The following ETF1 variants were observed in gnomAD, a reference collection of about 807,000 sequenced individuals.
ETF1 encodes eukaryotic peptide chain release factor subunit 1.
A neutral mutation model predicts 55.1 loss-of-function variants in ETF1; 4 were observed. The observed-to-expected ratio is 0.07, with a 90% confidence interval of 0.04 to 0.17. ETF1 has a LOEUF of 0.17. Ranked by LOEUF, ETF1 falls within the 10% of genes least tolerant of loss-of-function variation. The pLI is 1.00. For missense variants in ETF1, 142 were observed against 523.6 expected, an observed-to-expected ratio of 0.27 and a Z score of 7.11; for synonymous variants, 157 against 182.3, an observed-to-expected ratio of 0.86 and a Z score of 1.12.
chr5:138,542,667 A>C (rs1480228673), intron 2 of ETF1, 166 bp downstream of exon 2: 1 of 1,439,336 alleles, frequency 6.9e-7, no homozygotes, highest in Non-Finnish European at 9.1e-7. Context: ...TCTCGGGCCA[A>C]CCGCGCCGAC....
At chr5:138,511,262 C>T in intron 7 of ETF1, 62 bp from the exon 8 acceptor site, 1 of 1,577,980 alleles carries the variant, frequency 6.3e-7, no homozygotes, top group African/African-American at 1.4e-5. Context: ...TACAAACACA[C>T]CTATTCGACC....
intron 1 of ETF1, 52 bp downstream of exon 1, chr5:138,543,045 T>C (rs1766254261): frequency 4.2e-6 from 4 of 945,106 alleles, no homozygotes; most frequent in Non-Finnish European, 6.4e-6. Context: ...TCTCCTCCCG[T>C]CCGGTGCAGC....
intron 6 of ETF1, 33 bp from the exon 7 acceptor site, chr5:138,511,637 C>T (rs975344152): frequency 2.6e-6 from 4 of 1,559,388 alleles, no homozygotes; most frequent in East Asian, 2.3e-5. Flanking sequence ...TTAGTACTTA[C>T]TGGTACTTAT....
intron 3 of ETF1, chr5:138,517,981 C>T (rs2127082265): frequency 1.6e-6 from 1 of 618,622 alleles, no homozygotes; most frequent in African/African-American, 2.0e-5. Context: ...GTAGGCGGAT[C>T]ACCTGACGTC....
chr5:138,515,267 A>G (rs968375641), intron 4 of ETF1, among the ~76,000 whole-genome samples: 2 of 152,216 alleles, frequency 1.3e-5, no homozygotes, highest in African/African-American at 4.8e-5. Context: ...TCTACTAAAA[A>G]TACAAAAATT....
chr5:138,518,662 G>C (rs1765118804), intron 3 of ETF1, 30 bp downstream of exon 3: 4 of 1,593,544 alleles, frequency 2.5e-6, no homozygotes, highest in Non-Finnish European at 3.4e-6. Context: ...AAAATGTGTA[G>C]AGAAGGAAAA....
intron 2 of ETF1, among the ~76,000 whole-genome samples, chr5:138,530,722 C>T (rs949563262): frequency 9.2e-5 from 14 of 152,022 alleles, no homozygotes; most frequent in Admixed American, 5.2e-4. Flanking sequence ...TACAGGCACG[C>T]GCCACAATGC....
intron 6 of ETF1, among the ~76,000 whole-genome samples, chr5:138,512,258 A>ATATATATATTTT (rs1484458741): frequency 1.0e-4 from 2 of 20,006 alleles, no homozygotes; most frequent in African/African-American, 3.8e-4. Context: ...ATATATATAT[A>ATATATATATTTT]TTTTTTTTTT....
At chr5:138,516,499 G>C (rs967334993) in intron 4 of ETF1, among the ~76,000 whole-genome samples, 3 of 152,136 alleles carry the variant, frequency 2.0e-5, no homozygotes, top group African/African-American at 7.2e-5. Context: ...AATTAGCCAG[G>C]CATGGTGGTG....
chr5:138,539,788 A>C (rs1766099081), intron 2 of ETF1, among the ~76,000 whole-genome samples: 1 of 152,228 alleles, frequency 6.6e-6, no homozygotes, highest in African/African-American at 2.4e-5. Context: ...CTCAGACTAC[A>C]TTTTAAGGAA....
intron 9 of ETF1, 63 bp downstream of exon 9, chr5:138,510,502 C>T (rs777285855): frequency 2.0e-4 from 258 of 1,287,350 alleles, no homozygotes; most frequent in South Asian, 3.8e-4. Context: ...TCTACACAGC[C>T]AGTACTCTAA....
chr5:138,539,045 A>T (rs898483769), intron 2 of ETF1, among the ~76,000 whole-genome samples: 8 of 152,264 alleles, frequency 5.3e-5, no homozygotes, highest in African/African-American at 1.9e-4. Flanking sequence ...CTACAGCAGA[A>T]GTTTGCAAGC....
chr5:138,529,183 A>C (rs943145011), intron 2 of ETF1, among the ~76,000 whole-genome samples: 14 of 152,206 alleles, frequency 9.2e-5, no homozygotes, highest in Non-Finnish European at 1.3e-4. Context: ...AACAAACAAA[A>C]AAAACAAGCA....
intron 9 of ETF1, chr5:138,509,243 A>G (rs1581011940): frequency 1.1e-6 from 1 of 897,562 alleles, no homozygotes. Flanking sequence ...ATTTAAACCT[A>G]TCTCATACGG....
In ETF1 at chr5:138,541,946, C is replaced by A. The variant is rs535036536; in HGVS notation, c.86+887G>T. Among the ~76,000 whole-genome samples the A allele has an allele frequency of 6.6e-5, 10 of 152,198 alleles. No homozygotes were observed. The South Asian group carries it at 2.1e-3, about 32-fold the overall frequency. On this transcript the variant is annotated intron_variant, in intron 2 of 10. Transcript: ENST00000360541. ...TAGCCTACTCTCCCCCCAATGGACA[C>A]ACCTACAGTTTCTTATCAAAATGTA...
chr5:138,507,989 A>AT lies in ETF1; in HGVS notation c.*315dup, dbSNP rs553554703. 68 of 259,760 alleles carry AT rather than the reference A, an allele frequency of 2.6e-4. No homozygotes were observed. The highest frequency in any genetic ancestry group is 2.5e-3 in the East Asian group (33 of 13,216). The allele number at this position is 259,760 out of a possible 1,614,324, so 16.1% of individuals were successfully genotyped here. ...TCTATGTATGAAGGTTAAAAAAATC[A>AT]TTTTTTTTCATAAAATACAAGAGCA... is the stretch of plus-strand genomic sequence containing the variant. On this transcript the variant is annotated 3_prime_UTR_variant, in exon 11 of 11. Coordinates refer to ENST00000360541, the MANE Select transcript of ETF1 (RefSeq NM_004730.4).
intron 9 of ETF1, among the ~76,000 whole-genome samples, chr5:138,509,608 T>C (rs1047922114): frequency 6.6e-6 from 1 of 151,746 alleles, no homozygotes; most frequent in East Asian, 1.9e-4. Context: ...TAAAAAAAAT[T>C]AGGCTGCCTG....
chr5:138,540,421 A>G (rs1459269166), intron 2 of ETF1, among the ~76,000 whole-genome samples: 1 of 152,214 alleles, frequency 6.6e-6, no homozygotes, highest in African/African-American at 2.4e-5. Flanking sequence ...TCTTCTAAAG[A>G]TATTTTATCA....
intron 2 of ETF1, among the ~76,000 whole-genome samples, chr5:138,531,317 G>T (rs1047171249): frequency 3.9e-5 from 6 of 152,088 alleles, no homozygotes; most frequent in Admixed American, 2.6e-4. Flanking sequence ...AGGATGCAGC[G>T]TTCAAGGTGC....
Sources: allele counts gnomAD v4.1 joint callset (sites outside exome capture counted in the v4.1 genomes callset), GRCh38; gene constraint gnomAD v4.1.1; transcripts MANE v1.5; gene names NCBI Gene and HGNC (gene_info 2026-07-23, HGNC 2026-07-21).